Variants in TGFB2 observed in about 807,000 individuals in gnomAD.
TGFB2 encodes the protein transforming growth factor beta 2, also known as transforming growth factor beta-2 proprotein.
In TGFB2, 13 loss-of-function variants were observed where a neutral mutation model predicts 42.7. The observed-to-expected ratio is 0.30, with a 90% CI of 0.20 to 0.48. The LOEUF is 0.48. TGFB2 is among the 20% of genes least tolerant of loss of function. The pLI is 0.99. For synonymous variants in TGFB2, 193 were observed against 193.6 expected, an observed-to-expected ratio of 1.00 and a Z score of 0.03; for missense variants, 390 against 517.5, an observed-to-expected ratio of 0.75 and a Z score of 2.39.
chr1:218,370,551 C>T (rs1379626327), intron 1 of TGFB2, among the ~76,000 whole-genome samples: 1 of 152,208 alleles, frequency 6.6e-6, no homozygotes, highest in African/African-American at 2.4e-5. Context: ...TGTATATAAA[C>T]ATCCATGTGA....
rs114503834 is a variant in TGFB2 at position 218,412,955 on chromosome 1, T to C, written c.510+7623T>C. Among the ~76,000 whole-genome samples the C allele has an allele frequency of 9.4e-3, 1,436 of 152,324 alleles. 30 individuals carry two copies. The highest frequency in any genetic ancestry group is 0.031 in the African/African-American group (1,288 of 41,580). On this transcript the variant is annotated intron_variant, in intron 2 of 6. Transcript: ENST00000366930. ...AGAAAAAGCCACTAAAATATTGCCTTTTCCCATGGGGCTGATAGTCTCAGG... is the reference window on the plus strand; with the variant it reads ...AGAAAAAGCCACTAAAATATTGCCTCTTCCCATGGGGCTGATAGTCTCAGG...
intron 2 of TGFB2, among the ~76,000 whole-genome samples, chr1:218,420,543 G>GTT (rs397972896): frequency 1.4e-5 from 2 of 147,222 alleles, no homozygotes; most frequent in African/African-American, 5.0e-5. Flanking sequence ...CATCTGTAAA[G>GTT]TTTTTTTTTT....
chr1:218,360,084 T>C (rs1657161441), intron 1 of TGFB2, among the ~76,000 whole-genome samples: 1 of 152,212 alleles, frequency 6.6e-6, no homozygotes, highest in Admixed American at 6.5e-5. Flanking sequence ...AAATAATTAC[T>C]GATGTACCTT....
chr1:218,385,020 C>G (rs1320897208), intron 1 of TGFB2, among the ~76,000 whole-genome samples: 2 of 152,126 alleles, frequency 1.3e-5, no homozygotes, highest in African/African-American at 4.8e-5. Context: ...GCATTGAAAC[C>G]AGAGTGAACC....
At chr1:218,415,699 G>GAA (rs1174137652) in intron 2 of TGFB2, among the ~76,000 whole-genome samples, 14 of 61,672 alleles carry the variant, frequency 2.3e-4, no homozygotes, top group Admixed American at 5.4e-4. Flanking sequence ...TGTCTCAAAA[G>GAA]AAAAAAAAAA....
chr1:218,379,128 TTC>T (rs1657861340), intron 1 of TGFB2, among the ~76,000 whole-genome samples: 1 of 148,582 alleles, frequency 6.7e-6, no homozygotes, highest in Admixed American at 6.7e-5. Flanking sequence ...CTTTCTTTCT[TTC>T]TTTTTTTTTT....
At chr1:218,396,561 TA>T (rs1231033525) in intron 1 of TGFB2, among the ~76,000 whole-genome samples, 3 of 151,908 alleles carry the variant, frequency 2.0e-5, no homozygotes, top group Non-Finnish European at 4.4e-5. Context: ...TTTAATCTTC[TA>T]AATTTTTAGA....
intron 2 of TGFB2, among the ~76,000 whole-genome samples, chr1:218,433,510 A>C (rs911929843): frequency 4.6e-5 from 7 of 152,244 alleles, no homozygotes; most frequent in Non-Finnish European, 1.0e-4. Context: ...AACAAATCAC[A>C]TTAAGAGTAA....
At chr1:218,410,521 A>G (rs1247937155) in intron 2 of TGFB2, among the ~76,000 whole-genome samples, 1 of 152,228 alleles carries the variant, frequency 6.6e-6, no homozygotes, top group Non-Finnish European at 1.5e-5. Flanking sequence ...AACAAACTCT[A>G]AATAGCATCT....
intron 1 of TGFB2, among the ~76,000 whole-genome samples, chr1:218,375,517 A>G (rs1571848039): frequency 6.6e-6 from 1 of 151,760 alleles, no homozygotes; most frequent in Middle Eastern, 3.4e-3. Flanking sequence ...TGTTTTTCAC[A>G]TGGTAGAGGC....
rs931489499 is a variant in TGFB2 at position 218,437,572 on chromosome 1, T to C, written c.1086+76T>C. 6 of 1,456,330 alleles carry C rather than the reference T, an allele frequency of 4.1e-6. No homozygotes were observed. The African/African-American group carries it at 8.5e-5, about 21-fold the overall frequency. The allele number at this position is 1,456,330 out of a possible 1,614,324, so 90.2% of individuals were successfully genotyped here. ...CTGCTGATAGTATTTCCAAATGAGTTGTAATTAACCTCGTGCTGTCTTACC... is the reference window on the plus strand; with the variant it reads ...CTGCTGATAGTATTTCCAAATGAGTCGTAATTAACCTCGTGCTGTCTTACC... On this transcript the variant is annotated intron_variant, in intron 6 of 6. Transcript: ENST00000366930.
At chr1:218,402,878 T>C (rs151294588) in intron 1 of TGFB2, among the ~76,000 whole-genome samples, 135 of 152,340 alleles carry the variant, frequency 8.9e-4, no homozygotes, top group African/African-American at 3.2e-3. Context: ...GCCAAGACGG[T>C]GTGCAATGCC....
At chr1:218,405,584 A>G in intron 2 of TGFB2, 1 of 514,270 alleles carries the variant, frequency 1.9e-6, no homozygotes, top group Non-Finnish European at 3.5e-6. Flanking sequence ...GCCCTGGCTG[A>G]TCTGGAACTC....
chr1:218,398,143 T>C (rs1658585837), intron 1 of TGFB2, among the ~76,000 whole-genome samples: 1 of 152,260 alleles, frequency 6.6e-6, no homozygotes, highest in Admixed American at 6.5e-5. Context: ...TCAACCAGTA[T>C]GTAGTCACAC....
chr1:218,382,793 G>A (rs1658006890), intron 1 of TGFB2, among the ~76,000 whole-genome samples: 1 of 152,098 alleles, frequency 6.6e-6, no homozygotes, highest in South Asian at 2.1e-4. Context: ...GGAAAACAAG[G>A]ACTAAAGTCA....
At chr1:218,354,563 C>T (rs1359398763) in intron 1 of TGFB2, among the ~76,000 whole-genome samples, 1 of 152,176 alleles carries the variant, frequency 6.6e-6, no homozygotes, top group Non-Finnish European at 1.5e-5. Context: ...GGTTAATACT[C>T]ATACTGTCCC....
chr1:218,414,977 A>G (rs911733876), intron 2 of TGFB2, among the ~76,000 whole-genome samples: 1 of 152,214 alleles, frequency 6.6e-6, no homozygotes, highest in Non-Finnish European at 1.5e-5. Context: ...ATGATTCCAT[A>G]CTAGCAGAAA....
intron 2 of TGFB2, among the ~76,000 whole-genome samples, chr1:218,422,172 T>C (rs1441075374): frequency 6.6e-6 from 1 of 151,352 alleles, no homozygotes; most frequent in Non-Finnish European, 1.5e-5. Flanking sequence ...GATGCCTTCC[T>C]TCCTTCCTTC....
intron 2 of TGFB2, among the ~76,000 whole-genome samples, chr1:218,425,469 A>G (rs1420065243): frequency 1.3e-5 from 2 of 152,070 alleles, no homozygotes; most frequent in African/African-American, 4.8e-5. Context: ...AGCCTCCCAA[A>G]GTGCTAGGAT....
Sources: allele counts gnomAD v4.1 joint callset (sites outside exome capture counted in the v4.1 genomes callset), GRCh38; gene constraint gnomAD v4.1.1; transcripts MANE v1.5; gene names NCBI Gene and HGNC (gene_info 2026-07-23, HGNC 2026-07-21).